CAMTA1: variants seen among roughly 807,000 people sequenced by gnomAD.
CAMTA1 encodes the protein calmodulin binding transcription activator 1.
In CAMTA1, 27 loss-of-function variants were observed where a neutral mutation model predicts 170.9. The ratio of observed to expected loss-of-function variants is 0.16; its 90% confidence interval spans 0.12 to 0.22. The LOEUF is 0.22. Among genes scored for constraint, CAMTA1 ranks in the 10% least tolerant of loss-of-function variants. The pLI, the probability that CAMTA1 is intolerant of heterozygous loss-of-function variation, is 1.00. For missense variants in CAMTA1, 1,619 were observed against 2,217.2 expected (o/e 0.73, Z 5.42); for synonymous variants, 833 against 891.5 (o/e 0.93, Z 1.17).
At chr1:6,812,387 A>G (rs150725841) in intron 1 of CAMTA1, among the ~76,000 whole-genome samples, 203 of 152,326 alleles carry the variant, frequency 1.3e-3, no homozygotes, top group African/African-American at 4.7e-3. Flanking sequence ...GATTTTATAT[A>G]TGAAAATGCT....
chr1:7,643,931 A>G (rs1464058017), intron 7 of CAMTA1, among the ~76,000 whole-genome samples: 1 of 152,232 alleles, frequency 6.6e-6, no homozygotes, highest in East Asian at 1.9e-4. Context: ...CTGAGAGCCA[A>G]GAAGACCTCA....
chr1:7,498,921 ATGAGTG>A (rs1264499221), intron 6 of CAMTA1, among the ~76,000 whole-genome samples: 1 of 83,758 alleles, frequency 1.2e-5, no homozygotes, highest in Non-Finnish European at 2.2e-5. Flanking sequence ...GCGTATGTAT[ATGAGTG>A]TGTGTGTGCA....
At chr1:7,654,242 G>A (rs757229548) in intron 7 of CAMTA1, among the ~76,000 whole-genome samples, 12 of 152,078 alleles carry the variant, frequency 7.9e-5, no homozygotes, top group Non-Finnish European at 1.5e-4. Flanking sequence ...TTAGCCAGGC[G>A]TGGTGGCGCA....
chr1:7,373,252 G>A (rs1231738343), intron 5 of CAMTA1, among the ~76,000 whole-genome samples: 2 of 152,174 alleles, frequency 1.3e-5, no homozygotes, highest in East Asian at 1.9e-4. Flanking sequence ...TCTGCCAGTC[G>A]TGACTGCTAA....
chr1:7,341,211 TC>T (rs1284356480), intron 5 of CAMTA1, among the ~76,000 whole-genome samples: 1 of 152,210 alleles, frequency 6.6e-6, no homozygotes, highest in African/African-American at 2.4e-5. Context: ...GTGCAAGGCC[TC>T]CAGCTTCCCC....
intron 1 of CAMTA1, among the ~76,000 whole-genome samples, chr1:6,816,938 A>G (rs973270837): frequency 2.0e-5 from 3 of 152,142 alleles, no homozygotes; most frequent in South Asian, 2.1e-4. Flanking sequence ...TTGAGAACCT[A>G]TGGTTTTCAA....
At chr1:7,345,111 C>A (rs1207253619) in intron 5 of CAMTA1, among the ~76,000 whole-genome samples, 2 of 152,098 alleles carry the variant, frequency 1.3e-5, no homozygotes, top group Admixed American at 1.3e-4. Context: ...TGTAAGAATT[C>A]TTTATATTTT....
intron 1 of CAMTA1, among the ~76,000 whole-genome samples, chr1:6,804,063 A>T (rs1033101973): frequency 3.3e-5 from 5 of 152,142 alleles, no homozygotes; most frequent in South Asian, 2.1e-4. Context: ...GGGTGCCAGT[A>T]ATCCTAGCTA....
chr1:7,224,831 C>A lies in CAMTA1; in HGVS notation c.303-24660C>A, dbSNP rs1661415888. ...ATGTCGTCTGGATGGTCCGTTGGCACCCTGCCCACCGCACTTCAGCTTCCC... is the reference window on the plus strand; with the variant it reads ...ATGTCGTCTGGATGGTCCGTTGGCAACCTGCCCACCGCACTTCAGCTTCCC... On this transcript the variant is annotated intron_variant, in intron 4 of 22. Coordinates refer to ENST00000303635, the MANE Select transcript of CAMTA1 (RefSeq NM_015215.4). The surrounding 1 kb of genome is among the most constrained non-coding windows in gnomAD (Gnocchi z 5.2). Among the ~76,000 whole-genome samples, 1 of 152,176 alleles carries A rather than the reference C, an allele frequency of 6.6e-6. No homozygotes were observed. The highest frequency in any genetic ancestry group is 1.5e-5 in the Non-Finnish European group (1 of 68,050).
intron 3 of CAMTA1, among the ~76,000 whole-genome samples, chr1:6,968,395 C>T (rs1691942000): frequency 6.6e-6 from 1 of 152,214 alleles, no homozygotes; most frequent in Non-Finnish European, 1.5e-5. Flanking sequence ...GGTGGAGATA[C>T]CGCCAGAGTT....
chr1:7,148,422 C>G (rs1328811834), intron 4 of CAMTA1, among the ~76,000 whole-genome samples: 1 of 86,748 alleles, frequency 1.2e-5, no homozygotes, highest in Non-Finnish European at 2.5e-5. Flanking sequence ...CGAATCCACC[C>G]CCTCCCCCCC....
intron 5 of CAMTA1, among the ~76,000 whole-genome samples, chr1:7,360,664 C>T (rs1263254432): frequency 1.3e-5 from 2 of 152,198 alleles, no homozygotes; most frequent in Admixed American, 6.5e-5. Flanking sequence ...TGTGTAGTCC[C>T]TAGAGCTGTT....
chr1:7,528,804 T>C (rs1175248570), intron 6 of CAMTA1, among the ~76,000 whole-genome samples: 1 of 122,182 alleles, frequency 8.2e-6, no homozygotes, highest in Non-Finnish European at 1.8e-5. Context: ...AAAGGATGGA[T>C]GAATGAATGA....
intron 3 of CAMTA1, among the ~76,000 whole-genome samples, chr1:6,844,952 G>T (rs1366233693): frequency 6.6e-6 from 1 of 152,092 alleles, no homozygotes; most frequent in Non-Finnish European, 1.5e-5. Context: ...ATGTAATAAG[G>T]GATTTATTTT....
At chr1:7,085,304 T>A (rs1453770856) in intron 3 of CAMTA1, among the ~76,000 whole-genome samples, 1 of 152,232 alleles carries the variant, frequency 6.6e-6, no homozygotes, top group African/African-American at 2.4e-5. Context: ...CGATGGCAAC[T>A]GGACCTTTGT....
intron 1 of CAMTA1, among the ~76,000 whole-genome samples, chr1:6,804,736 A>C (rs917006113): frequency 1.3e-5 from 2 of 151,992 alleles, no homozygotes; most frequent in Admixed American, 1.3e-4. Flanking sequence ...AATTTAATAT[A>C]ATAGAGATGG....
rs148447662 is a variant in CAMTA1, at chr1:7,576,073, A to G, written c.511-64327A>G. ...ACCCAGGCTGGAGTGCAATGGTGCA[A>G]TCTCGGCTCACTGCAACCTCCACCT... is the stretch of plus-strand genomic sequence containing the variant. On this transcript the variant is annotated intron_variant, in intron 6 of 22. Transcript: ENST00000303635. Among the ~76,000 whole-genome samples the G allele has an allele frequency of 5.4e-3, 820 of 152,186 alleles. 12 individuals carry two copies. Among genetic ancestry groups the G allele is most frequent in the South Asian group, 0.053 (257 of 4,806 alleles).
intron 1 of CAMTA1, among the ~76,000 whole-genome samples, chr1:6,786,140 C>T (rs1457579907): frequency 1.3e-5 from 2 of 151,870 alleles, no homozygotes; most frequent in Non-Finnish European, 2.9e-5. Flanking sequence ...CCCTCTTCAG[C>T]CCCGTGGACA....
Position 7,104,361 on chromosome 1 carries a change from A to AC in CAMTA1, c.302+12990_302+12991insC, listed in dbSNP as rs1643364566. On this transcript the variant is annotated intron_variant, in intron 4 of 22. Transcript: ENST00000303635. ...CATGTACACACATGCATAAATACTC[A>AC]ATACACATACACACACACACACACA... Among the ~76,000 whole-genome samples the AC allele has an allele frequency of 3.0e-5, 3 of 99,004 alleles. No individual in the cohort carries two copies. The South Asian group carries it at 1.1e-3, about 36-fold the overall frequency. The allele number at this position is 99,004 out of a possible 152,430, so 65.0% of individuals were successfully genotyped here. A position where few individuals can be genotyped will look rare whatever the true frequency, so the allele number is the denominator to read the frequency against.
Sources: allele counts gnomAD v4.1 joint callset (sites outside exome capture counted in the v4.1 genomes callset), GRCh38; gene constraint gnomAD v4.1.1; non-coding constraint Gnocchi (gnomAD v3.1); transcripts MANE v1.5; gene names NCBI Gene and HGNC (gene_info 2026-07-23, HGNC 2026-07-21).